The following ADRA1D variants were observed in gnomAD, a reference collection of about 807,000 sequenced individuals.
ADRA1D encodes the protein alpha-1D adrenergic receptor.
Under a neutral mutation model 18.6 loss-of-function variants are expected in ADRA1D, and 22 were observed. That is an observed-to-expected ratio of 1.19 (90% CI 0.85 to 1.69). The LOEUF is 1.69. ADRA1D is among the 40% of genes most tolerant of loss of function. The pLI is 0.00. For missense variants in ADRA1D, 840 were observed against 840.7 expected (o/e 1.00, Z 0.01); for synonymous variants, 376 against 388.2 (o/e 0.97, Z 0.37).
rs1981442957 is a variant in ADRA1D, at chr20:4,249,101, G to A, written c.-144C>T. The A allele has an allele frequency of 7.6e-6, 5 of 655,478 alleles. No homozygotes were observed. The highest frequency in any genetic ancestry group is 1.6e-4 in the East Asian group (2 of 12,704). 40.6% of individuals were successfully genotyped at this position (655,478 alleles called of 1,614,324 possible). A position where few individuals can be genotyped will look rare whatever the true frequency, so the allele number is the denominator to read the frequency against. Reference sequence around the variant, plus strand: ...GTCCTGCCCAAGTTCCTGTGACGCGGAGCGCGGCTGTCCGAGAGCGGAGCT... The same window carrying A: ...GTCCTGCCCAAGTTCCTGTGACGCGAAGCGCGGCTGTCCGAGAGCGGAGCT... On this transcript the variant is annotated 5_prime_UTR_variant, in exon 1 of 2. Coordinates refer to ENST00000379453, the MANE Select transcript of ADRA1D (RefSeq NM_000678.4).
chr20:4,232,557 T>C (rs561986298), intron 1 of ADRA1D, among the ~76,000 whole-genome samples: 1 of 152,174 alleles, frequency 6.6e-6, no homozygotes, highest in Non-Finnish European at 1.5e-5. Context: ...GGAGAGAGTA[T>C]CAGAATGACC....
intron 1 of ADRA1D, among the ~76,000 whole-genome samples, chr20:4,242,171 C>T (rs994341646): frequency 6.6e-6 from 1 of 152,232 alleles, no homozygotes; most frequent in Non-Finnish European, 1.5e-5. Context: ...AAGGTGTGTA[C>T]ACCTTGAGTT....
rs1422799896 is a variant in ADRA1D at position 4,222,889 on chromosome 20, A to G, written c.1112-759T>C. ...AGGGCTGGGCTACAGGGCTTAGTCT[A>G]TAGTCCTCAATAAGACTTCTAAATA... On this transcript the variant is annotated intron_variant, in intron 1 of 1. Transcript: ENST00000379453. This position sits in a 1 kb window ranked among gnomAD's most constrained non-coding sequence, Gnocchi z 4.3. 6.6e-6 allele frequency among the ~76,000 whole-genome samples: 1 copy of G among 152,234 alleles called. No homozygotes were observed. The highest frequency in any genetic ancestry group is 1.5e-5 in the Non-Finnish European group (1 of 68,030).
Position 4,248,300 on chromosome 20 carries a change from G to A in ADRA1D, c.658C>T (p.Leu220Phe). 1 of 1,607,778 alleles carries A rather than the reference G, an allele frequency of 6.2e-7. No individual in the cohort carries two copies. Among genetic ancestry groups the A allele is most frequent in the Non-Finnish European group, 8.5e-7 (1 of 1,177,412 alleles). Residue 220 changes from leucine (L) to phenylalanine (F), a missense_variant, in exon 1 of 2, where the codon CTC (leucine) becomes TTC (phenylalanine). Leu to Phe is a conservative substitution (Grantham distance 22, BLOSUM62 0). Coordinates refer to ENST00000379453, the MANE Select transcript of ADRA1D (RefSeq NM_000678.4). Reference sequence around the variant, plus strand: ...GACACCACCAGGGCTACGACCCAGAGCAGGGCCAGGATGGCGGCCGCCTTG... The same window carrying A: ...GACACCACCAGGGCTACGACCCAGAACAGGGCCAGGATGGCGGCCGCCTTG... ...ERKAAAILAL[L>F]WVVALVVSVG...
At chr20:4,244,399 C>T (rs1981285491) in intron 1 of ADRA1D, among the ~76,000 whole-genome samples, 1 of 152,170 alleles carries the variant, frequency 6.6e-6, no homozygotes, top group Admixed American at 6.5e-5. Context: ...TCTTTTTCTG[C>T]CTCCTTTGGG....
intron 1 of ADRA1D, among the ~76,000 whole-genome samples, chr20:4,231,696 G>A (rs1038283363): frequency 5.9e-5 from 9 of 152,144 alleles, no homozygotes; most frequent in Non-Finnish European, 1.0e-4. Context: ...AATGATTCTA[G>A]TTACCCAGAG....
rs1489765499 is a variant in ADRA1D at position 4,222,128 on chromosome 20, A to G, written c.1114T>C (p.Ser372Pro). The G allele has an allele frequency of 2.5e-6, 4 of 1,612,162 alleles. No homozygotes were observed. The East Asian group carries it at 9.0e-5, about 36-fold the overall frequency. Residue 372 changes from serine to proline, a missense_variant and splice_region_variant, in exon 2 of 2, where the codon TCC becomes CCC. By Grantham distance (74) the Ser-to-Pro change is moderately conservative. Transcript: ENST00000379453. This position sits in a 1 kb window ranked among gnomAD's most constrained non-coding sequence, Gnocchi z 4.3. ...GATGGCTTCAGCTGCGGGAACAAGG[A>G]GCCTGTAGGGAGCAGAGACCGATAC... ...FPFFFVLPLGSLFPQLKPSEG... is the reference protein window; with the variant it reads ...FPFFFVLPLGPLFPQLKPSEG...
chr20:4,235,333 G>A (rs929492480), intron 1 of ADRA1D, among the ~76,000 whole-genome samples: 1 of 152,200 alleles, frequency 6.6e-6, no homozygotes, highest in Non-Finnish European at 1.5e-5. Flanking sequence ...TGAGCCATAG[G>A]CCTGTCCCGC....
Position 4,222,926 on chromosome 20 carries a change from A to T in ADRA1D, c.1112-796T>A, listed in dbSNP as rs1391998390. On this transcript the variant is annotated intron_variant, in intron 1 of 1. Coordinates refer to ENST00000379453, the MANE Select transcript of ADRA1D (RefSeq NM_000678.4). This position sits in a 1 kb window ranked among gnomAD's most constrained non-coding sequence, Gnocchi z 4.3. Reference sequence around the variant, plus strand: ...AAGACTTCTAAATAAAACTAATGTTAATTTTTTAAAAGCTTTTTTTTCTTT... The same window carrying T: ...AAGACTTCTAAATAAAACTAATGTTTATTTTTTAAAAGCTTTTTTTTCTTT... Among the ~76,000 whole-genome samples the T allele has an allele frequency of 6.6e-6, 1 of 152,218 alleles. No homozygotes were observed. Among genetic ancestry groups the T allele is most frequent in the Admixed American group, 6.5e-5 (1 of 15,290 alleles).
intron 1 of ADRA1D, among the ~76,000 whole-genome samples, chr20:4,243,716 C>T (rs943384681): frequency 2.6e-5 from 4 of 152,144 alleles, no homozygotes; most frequent in Admixed American, 2.0e-4. Context: ...CACGCACCTC[C>T]GCACCTCTGG....
intron 1 of ADRA1D, among the ~76,000 whole-genome samples, chr20:4,229,654 G>C (rs1980907954): frequency 6.6e-6 from 1 of 152,092 alleles, no homozygotes; most frequent in Non-Finnish European, 1.5e-5. Context: ...GGTTGGTGTG[G>C]ACAGAATGCA....
chr20:4,244,271 G>A (rs1201828249), intron 1 of ADRA1D, among the ~76,000 whole-genome samples: 3 of 152,172 alleles, frequency 2.0e-5, no homozygotes, highest in Non-Finnish European at 2.9e-5. Context: ...TTCCTTGCTG[G>A]CATATACATT....
intron 1 of ADRA1D, among the ~76,000 whole-genome samples, chr20:4,231,038 T>TTTTCTTTCTTTCTC (rs1555821019): frequency 5.2e-4 from 57 of 108,624 alleles, no homozygotes; most frequent in East Asian, 3.9e-4. Context: ...CTTTCTTTCT[T>TTTTCTTTCTTTCTC]TTTCTTTCTT....
At chr20:4,240,269 A>G (rs1350821797) in intron 1 of ADRA1D, among the ~76,000 whole-genome samples, 4 of 152,228 alleles carry the variant, frequency 2.6e-5, no homozygotes, top group African/African-American at 9.6e-5. Flanking sequence ...CAAATCGACC[A>G]TATGCAACGT....
intron 1 of ADRA1D, among the ~76,000 whole-genome samples, chr20:4,237,568 G>A (rs1480461914): frequency 6.6e-6 from 1 of 152,108 alleles, no homozygotes; most frequent in East Asian, 1.9e-4. Context: ...TAGCCCTGGG[G>A]CAGGTGTGAG....
intron 1 of ADRA1D, among the ~76,000 whole-genome samples, chr20:4,228,250 C>T (rs765048432): frequency 6.6e-6 from 1 of 152,162 alleles, no homozygotes; most frequent in Non-Finnish European, 1.5e-5. Flanking sequence ...GCAATTTAGT[C>T]GCTCCTTGAA....
intron 1 of ADRA1D, among the ~76,000 whole-genome samples, chr20:4,237,163 G>A (rs1486591561): frequency 6.6e-6 from 1 of 152,096 alleles, no homozygotes; most frequent in African/African-American, 2.4e-5. Flanking sequence ...GACCAGGAGG[G>A]AGATGGGAGA....
At position 4,222,532 on chromosome 20, in the gene ADRA1D, A is replaced by G. The variant is rs142497520; in HGVS notation, c.1112-402T>C. The stretch of plus-strand genomic sequence containing the variant: ...AAAGTCCCCGACTCTGTGACAAAGT[A>G]CGGCTCTCTGGAAAGATGCTTTGAA... On this transcript the variant is annotated intron_variant, in intron 1 of 1. Coordinates refer to ENST00000379453, the MANE Select transcript of ADRA1D (RefSeq NM_000678.4). The surrounding 1 kb of genome is among the most constrained non-coding windows in gnomAD (Gnocchi z 4.3). 3.9e-5 allele frequency among the ~76,000 whole-genome samples: 6 copies of G among 152,304 alleles called. No homozygotes were observed. Among genetic ancestry groups the G allele is most frequent in the African/African-American group, 1.2e-4 (5 of 41,554 alleles).
At chr20:4,236,627 C>G (rs561704659) in intron 1 of ADRA1D, among the ~76,000 whole-genome samples, 4 of 152,272 alleles carry the variant, frequency 2.6e-5, no homozygotes, top group African/African-American at 9.6e-5. Context: ...GAATAATGCC[C>G]CCAAGATGTC....
Sources: allele counts gnomAD v4.1 joint callset (sites outside exome capture counted in the v4.1 genomes callset), GRCh38; gene constraint gnomAD v4.1.1; non-coding constraint Gnocchi (gnomAD v3.1); transcripts MANE v1.5; gene names NCBI Gene and HGNC (gene_info 2026-07-23, HGNC 2026-07-21).